DENND4A: variants seen among roughly 807,000 people sequenced by gnomAD.
The protein encoded by DENND4A is DENN domain containing 4A.
Under a neutral mutation model 199.3 loss-of-function variants are expected in DENND4A, and 70 were observed. The ratio of observed to expected loss-of-function variants is 0.35; its 90% CI spans 0.29 to 0.43. DENND4A has a LOEUF of 0.43. Ranked by LOEUF, DENND4A falls within the 20% of genes least tolerant of loss-of-function variation. The pLI is 1.00. For synonymous variants in DENND4A, 686 were observed against 766.9 expected (o/e 0.89, Z 1.74); for missense variants, 1,723 against 2,255.8 (o/e 0.76, Z 4.78).
chr15:65,705,936 C>T, intron 15 of DENND4A, 155 bp downstream of exon 15: 1 of 927,666 alleles, frequency 1.1e-6, no homozygotes, highest in Non-Finnish European at 1.3e-6. Context: ...TACCTCAAAG[C>T]TTAATAATGG....
rs72625763 is a variant in DENND4A, at chr15:65,664,267, A to C, written c.5587+63T>G. On this transcript the variant is annotated intron_variant, in intron 32 of 32. Transcript: ENST00000443035. ...TAATAAAGTATAACTACTAATATAA[A>C]AATACTTTGAAAACTATTCCATGAT... 2.2e-5 allele frequency: 13 copies of C among 600,970 alleles called. No individual in the cohort carries two copies. In the African/African-American group the frequency reaches 3.0e-4, roughly 14 times the overall value. The allele number at this position is 600,970 out of a possible 1,614,324, so 37.2% of individuals were successfully genotyped here.
chr15:65,724,728 G>T (rs964967215), intron 11 of DENND4A, among the ~76,000 whole-genome samples: 1 of 152,180 alleles, frequency 6.6e-6, no homozygotes, highest in Non-Finnish European at 1.5e-5. Context: ...CTGCTGTGAA[G>T]GTGTGATTAC....
chr15:65,682,901 CACA>C (rs1390887773), intron 23 of DENND4A, among the ~76,000 whole-genome samples: 1 of 152,132 alleles, frequency 6.6e-6, no homozygotes, highest in African/African-American at 2.4e-5. Context: ...TCAGAAATTA[CACA>C]ACATTTATCG....
intron 1 of DENND4A, among the ~76,000 whole-genome samples, chr15:65,773,573 A>G (rs900536500): frequency 1.3e-5 from 2 of 152,202 alleles, no homozygotes; most frequent in African/African-American, 4.8e-5. Flanking sequence ...GAAAGGAGGA[A>G]CAAGCACAAT....
At chr15:65,740,144 G>T (rs1399529137) in intron 5 of DENND4A, among the ~76,000 whole-genome samples, 1 of 152,008 alleles carries the variant, frequency 6.6e-6, no homozygotes, top group African/African-American at 2.4e-5. Context: ...TCGTGCCACT[G>T]CACTCCAGCC....
At chr15:65,716,675 T>C (rs1287630901) in intron 13 of DENND4A, among the ~76,000 whole-genome samples, 2 of 151,962 alleles carry the variant, frequency 1.3e-5, no homozygotes, top group Non-Finnish European at 2.9e-5. Flanking sequence ...TTCCAAGTCT[T>C]TGTTATTGTG....
chr15:65,748,357 C>T (rs2076468299), intron 4 of DENND4A, among the ~76,000 whole-genome samples: 1 of 151,830 alleles, frequency 6.6e-6, no homozygotes, highest in African/African-American at 2.4e-5. Context: ...GTCACTCATG[C>T]CTGCAATCCT....
intron 32 of DENND4A, among the ~76,000 whole-genome samples, chr15:65,663,247 T>C (rs564290001): frequency 6.7e-6 from 1 of 150,120 alleles, no homozygotes; most frequent in South Asian, 2.1e-4. Context: ...TTCACTCTTG[T>C]TGCGCAGGCT....
rs2075236707 is a variant in DENND4A, at chr15:65,711,110, AAC to A, written c.1953+4366_1953+4367del. Among the ~76,000 whole-genome samples the A allele has an allele frequency of 6.6e-5, 10 of 152,226 alleles. No individual in the cohort carries two copies. The South Asian group carries it at 2.1e-3, about 32-fold the overall frequency. On this transcript the variant is annotated intron_variant, in intron 14 of 32. Coordinates refer to ENST00000443035, the MANE Select transcript of DENND4A (RefSeq NM_001320835.1). ...CCTAACAGAAGTGCCAAATAAGGCA[AAC>A]ACAAAACTTTGCTTAAAATATTGAA...
chr15:65,666,144 C>T (rs1853082910), intron 29 of DENND4A, among the ~76,000 whole-genome samples: 2 of 152,172 alleles, frequency 1.3e-5, no homozygotes. Context: ...CCTATAACTG[C>T]AGATAGTACC....
At chr15:65,787,483 A>AT (rs2077594720) in intron 1 of DENND4A, among the ~76,000 whole-genome samples, 1 of 151,912 alleles carries the variant, frequency 6.6e-6, no homozygotes, top group Non-Finnish European at 1.5e-5. Flanking sequence ...TCTACTTGTG[A>AT]TTTTTAACAG....
chr15:65,724,759 G>A (rs1035136211), intron 11 of DENND4A, among the ~76,000 whole-genome samples: 1 of 152,172 alleles, frequency 6.6e-6, no homozygotes, highest in Non-Finnish European at 1.5e-5. Flanking sequence ...TGACCAACAG[G>A]ATCCTGTGTT....
Position 65,722,884 on chromosome 15 carries a change from T to A in DENND4A, c.1552A>T (p.Asn518Tyr). 1 of 1,610,146 alleles carries A rather than the reference T, an allele frequency of 6.2e-7. No individual in the cohort carries two copies. Among genetic ancestry groups the A allele is most frequent in the Non-Finnish European group, 8.5e-7 (1 of 1,178,446 alleles). Residue 518 changes from asparagine to tyrosine, a missense_variant, in exon 12 of 33, where the codon AAC (asparagine) becomes TAC (tyrosine). This residue lies in a region of DENND4A where 725 missense variants were observed against 952.9 expected (regional missense o/e 0.76). Coordinates refer to ENST00000443035, the MANE Select transcript of DENND4A (RefSeq NM_001320835.1). The part of the protein sequence containing the change: ...LPKKPCKNLM[N>Y]TLNNLHQQLA... ...TGCTGATGCAAATTATTCAGTGTGTTCATCAGATTTTTACATGGCTTCTTT... is the reference window on the plus strand; with the variant it reads ...TGCTGATGCAAATTATTCAGTGTGTACATCAGATTTTTACATGGCTTCTTT...
At chr15:65,788,183 TCTC>T (rs2077618223) in intron 1 of DENND4A, among the ~76,000 whole-genome samples, 1 of 151,880 alleles carries the variant, frequency 6.6e-6, no homozygotes, top group Admixed American at 6.6e-5. Context: ...TTCACGCCAT[TCTC>T]CTGCCTCAGC....
intron 4 of DENND4A, among the ~76,000 whole-genome samples, chr15:65,746,369 C>CTTTTTTTTTTTTTTTTTTTTTTTTT (rs573935476): frequency 3.9e-5 from 2 of 51,268 alleles, no homozygotes; most frequent in African/African-American, 7.0e-5. Context: ...ACTTTTTTCT[C>CTTTTTTTTTTTTTTTTTTTTTTTTT]TTTTTTTTTT....
In DENND4A at chr15:65,660,366, T is replaced by G; in HGVS notation, c.*1485A>C. The G allele has an allele frequency of 6.9e-7, 1 of 1,454,932 alleles. No individual in the cohort carries two copies. The highest frequency in any genetic ancestry group is 2.5e-5 in the East Asian group (1 of 40,546). 90.1% of individuals were successfully genotyped at this position (1,454,932 alleles called of 1,614,324 possible). A position where few individuals can be genotyped will look rare whatever the true frequency, so the allele number is the denominator to read the frequency against. On this transcript the variant is annotated 3_prime_UTR_variant, in exon 33 of 33. Coordinates refer to ENST00000443035, the MANE Select transcript of DENND4A (RefSeq NM_001320835.1). ...GGGTTTTCTGCAGCTGAACTGATTCTAAGTCTCAGGACTCCAAGATACCTC... is the reference window on the plus strand; with the variant it reads ...GGGTTTTCTGCAGCTGAACTGATTCGAAGTCTCAGGACTCCAAGATACCTC...
At chr15:65,749,760 A>T (rs2076510067) in intron 4 of DENND4A, among the ~76,000 whole-genome samples, 1 of 152,268 alleles carries the variant, frequency 6.6e-6, no homozygotes, top group African/African-American at 2.4e-5. Flanking sequence ...GTAACAACCA[A>T]TGTTGGTGAG....
chr15:65,751,606 A>G (rs1338330436), intron 4 of DENND4A, among the ~76,000 whole-genome samples: 1 of 152,160 alleles, frequency 6.6e-6, no homozygotes, highest in Non-Finnish European at 1.5e-5. Flanking sequence ...GGGGAGATGA[A>G]AAGGAATCAG....
intron 3 of DENND4A, among the ~76,000 whole-genome samples, chr15:65,753,484 G>A (rs542927410): frequency 2.0e-5 from 3 of 151,444 alleles, no homozygotes; most frequent in Non-Finnish European, 4.4e-5. Context: ...TCAGCCTCCC[G>A]AGTAGCTGGG....
Sources: allele counts gnomAD v4.1 joint callset (sites outside exome capture counted in the v4.1 genomes callset), GRCh38; gene constraint gnomAD v4.1.1; regional missense constraint gnomAD v4.1.1; transcripts MANE v1.5; gene names NCBI Gene and HGNC (gene_info 2026-07-23, HGNC 2026-07-21).